Variants in TECRL observed in about 807,000 individuals in gnomAD.
The protein encoded by TECRL is trans-2,3-enoyl-CoA reductase-like.
Under a neutral mutation model 52.8 loss-of-function variants are expected in TECRL, and 63 were observed. That is an observed-to-expected ratio of 1.19 (90% CI 0.97 to 1.47). The LOEUF (loss-of-function observed/expected upper bound fraction) is 1.47, where lower values mean the gene tolerates loss of function less well. Ranked by LOEUF, TECRL falls within the 40% of genes most tolerant of loss-of-function variation. The pLI is 0.00. For missense variants in TECRL, 482 were observed against 429.6 expected (o/e 1.12, Z -1.08); for synonymous variants, 164 against 141.9 (o/e 1.16, Z -1.10).
intron 6 of TECRL, among the ~76,000 whole-genome samples, chr4:64,306,141 G>A (rs1307366578): frequency 1.3e-5 from 2 of 152,088 alleles, no homozygotes; most frequent in African/African-American, 4.8e-5. Flanking sequence ...TTTATTATAT[G>A]AAACCAAACA....
chr4:64,406,954 A>G (rs752699773), intron 1 of TECRL, among the ~76,000 whole-genome samples: 25 of 151,988 alleles, frequency 1.6e-4, no homozygotes, highest in Non-Finnish European at 3.2e-4. Context: ...AATAATAATA[A>G]TAATAAATAA....
At position 64,409,124 on chromosome 4, in the gene TECRL, C is replaced by T. The variant is rs745376835; in HGVS notation, c.228G>A (p.Leu76=). 6.2e-7 allele frequency: 1 copy of T among 1,605,862 alleles called. No homozygotes were observed. The highest frequency in any genetic ancestry group is 8.5e-7 in the Non-Finnish European group (1 of 1,176,104). The part of the protein sequence containing the change: ...DAQTRKQICI[L]DKVTQSSTIH... ...AATAAATAAATAAACTCACCTTATC[C>T]AGAATACATATCTGTTTCCTTGTTT... Residue 76 remains leucine, a synonymous_variant, in exon 1 of 12, where the codon CTG becomes CTA. Coordinates refer to ENST00000381210, the MANE Select transcript of TECRL (RefSeq NM_001010874.5).
intron 1 of TECRL, among the ~76,000 whole-genome samples, chr4:64,385,257 G>C (rs1723095076): frequency 6.6e-6 from 1 of 152,124 alleles, no homozygotes; most frequent in Non-Finnish European, 1.5e-5. Flanking sequence ...TTGGCCACTT[G>C]TGGAGTAGTA....
chr4:64,290,302 T>C (rs897190455), intron 8 of TECRL, among the ~76,000 whole-genome samples: 1 of 22,390 alleles, frequency 4.5e-5, no homozygotes, highest in Non-Finnish European at 1.4e-4. Flanking sequence ...GTTGTCCCTG[T>C]TAATAGGCCA....
At chr4:64,287,784 G>A (rs1050039335) in intron 9 of TECRL, among the ~76,000 whole-genome samples, 1 of 152,046 alleles carries the variant, frequency 6.6e-6, no homozygotes, top group Non-Finnish European at 1.5e-5. Flanking sequence ...GGTATTTTAT[G>A]TTTATTTTAG....
intron 1 of TECRL, among the ~76,000 whole-genome samples, chr4:64,386,299 A>G (rs1723174938): frequency 6.6e-6 from 1 of 152,182 alleles, no homozygotes; most frequent in African/African-American, 2.4e-5. Context: ...GAAAATTATA[A>G]GGAAGAAAAA....
chr4:64,321,965 A>G (rs1440231848), intron 4 of TECRL, among the ~76,000 whole-genome samples: 11 of 152,320 alleles, frequency 7.2e-5, no homozygotes, highest in Admixed American at 7.2e-4. Context: ...AAAGGTAAAG[A>G]GATACCATGT....
At chr4:64,310,007 T>A (rs1724577171) in intron 5 of TECRL, 76 bp from the exon 6 acceptor site, 1 of 857,792 alleles carries the variant, frequency 1.2e-6, no homozygotes, top group Non-Finnish European at 1.8e-6. Context: ...TACATTTTAA[T>A]TTTTTTAGTT....
chr4:64,346,530 G>A (rs545200957), intron 2 of TECRL, among the ~76,000 whole-genome samples: 1 of 152,266 alleles, frequency 6.6e-6, no homozygotes, highest in Non-Finnish European at 1.5e-5. Context: ...AAGCCTAGGG[G>A]CTTGCGCCCT....
At chr4:64,313,888 C>A (rs181234737) in intron 5 of TECRL, among the ~76,000 whole-genome samples, 5,319 of 147,034 alleles carry the variant, frequency 0.036, 160 homozygotes, top group Non-Finnish European at 0.054. Flanking sequence ...AATCCCAGCA[C>A]TTTGGGAAGC....
chr4:64,316,876 A>G (rs575818261), intron 4 of TECRL, among the ~76,000 whole-genome samples: 1 of 152,324 alleles, frequency 6.6e-6, no homozygotes, highest in South Asian at 2.1e-4. Flanking sequence ...TATTAAACTA[A>G]TCTTCTGTTT....
intron 1 of TECRL, among the ~76,000 whole-genome samples, chr4:64,400,261 A>C (rs1009075714): frequency 1.3e-5 from 2 of 152,090 alleles, no homozygotes; most frequent in African/African-American, 4.8e-5. Flanking sequence ...ACTTTCTTTT[A>C]GTGGGTTTCT....
intron 2 of TECRL, among the ~76,000 whole-genome samples, chr4:64,342,367 T>C (rs1287395143): frequency 6.6e-6 from 1 of 152,086 alleles, no homozygotes; most frequent in Non-Finnish European, 1.5e-5. Context: ...GATGTGATTT[T>C]ATAATATTTA....
intron 1 of TECRL, among the ~76,000 whole-genome samples, chr4:64,403,803 G>C (rs922598306): frequency 6.6e-6 from 1 of 150,838 alleles, no homozygotes; most frequent in African/African-American, 2.4e-5. Context: ...GGAGGAAAAG[G>C]GGGGCAGGAA....
intron 2 of TECRL, among the ~76,000 whole-genome samples, chr4:64,344,824 G>T (rs958190483): frequency 2.0e-5 from 3 of 152,068 alleles, no homozygotes; most frequent in Non-Finnish European, 4.4e-5. Context: ...GTCTGTTTTT[G>T]TTGTCTTAAA....
Position 64,341,629 on chromosome 4 carries a change from C to T in TECRL, c.287-13073G>A, listed in dbSNP as rs193078575. Among the ~76,000 whole-genome samples, 33 of 152,170 alleles carry T rather than the reference C, an allele frequency of 2.2e-4. No individual in the cohort carries two copies. The East Asian group carries it at 6.2e-3, about 29-fold the overall frequency. On this transcript the variant is annotated intron_variant, in intron 2 of 11. Coordinates refer to ENST00000381210, the MANE Select transcript of TECRL (RefSeq NM_001010874.5). ...TAAAAAAAAAATGGGGCTAAAACATCCCCCTTGCTTGCCACGTTGCAGGTG... is the reference window on the plus strand; with the variant it reads ...TAAAAAAAAAATGGGGCTAAAACATTCCCCTTGCTTGCCACGTTGCAGGTG...
chr4:64,283,000 CA>C (rs1036110740), intron 9 of TECRL, among the ~76,000 whole-genome samples: 53 of 151,690 alleles, frequency 3.5e-4, no homozygotes, highest in African/African-American at 1.2e-3. Context: ...TCTATTTCTT[CA>C]GGGAGTGCTA....
chr4:64,280,179 T>A lies in TECRL; in HGVS notation c.985A>T (p.Met329Leu), dbSNP rs376732353. The A allele has an allele frequency of 1.3e-6, 2 of 1,539,946 alleles. No individual in the cohort carries two copies. Among genetic ancestry groups the A allele is most frequent in the Non-Finnish European group, 1.7e-6 (2 of 1,147,258 alleles). The change falls in exon 12 of 12, where the codon ATG becomes TTG. Residue 329 changes from methionine to leucine, a missense_variant. Met to Leu is a conservative substitution (Grantham distance 15). Coordinates refer to ENST00000381210, the MANE Select transcript of TECRL (RefSeq NM_001010874.5). ...TLPVGIFTLL[M>L]SIQMSLWAQK... The stretch of plus-strand genomic sequence containing the variant: ...GCCCACAAAGACATCTGGATACTCA[T>A]CAGAAGTGTAAAAATTCCAACTAGA...
chr4:64,332,320 A>G (rs962117236), intron 2 of TECRL, among the ~76,000 whole-genome samples: 1 of 152,196 alleles, frequency 6.6e-6, no homozygotes, highest in Admixed American at 6.5e-5. Context: ...CTTAAAGGAA[A>G]CTAAGCTCAA....
Sources: gnomAD v4.1 joint callset for allele counts (sites outside exome capture counted in the v4.1 genomes callset) on GRCh38, gnomAD v4.1.1 for gene constraint, MANE v1.5 for transcripts, NCBI Gene and HGNC (gene_info 2026-07-23, HGNC 2026-07-21) for gene names.